DOCK11: variants seen among roughly 807,000 people sequenced by gnomAD.
DOCK11 encodes the protein dedicator of cytokinesis 11, also known as dedicator of cytokinesis protein 11.
Under a neutral mutation model 169.1 loss-of-function variants are expected in DOCK11, and 70 were observed. The ratio of observed to expected loss-of-function variants is 0.41; its 90% CI spans 0.34 to 0.51. DOCK11 has a LOEUF of 0.51. Among genes scored for constraint, DOCK11 ranks in the 20% least tolerant of loss-of-function variants. The probability of loss-of-function intolerance (pLI) is 0.10; values close to 1 mark genes in which losing one functional copy is unlikely to be tolerated. For synonymous variants in DOCK11, 529 were observed against 541.3 expected (o/e 0.98, Z 0.32); for missense variants, 1,166 against 1,538.8 (o/e 0.76, Z 4.05).
intron 1 of DOCK11, among the ~76,000 whole-genome samples, chrX:118,506,055 C>T (rs1035221303): frequency 9.0e-6 from 1 of 111,643 alleles, no homozygotes; most frequent in Non-Finnish European, 1.9e-5. Flanking sequence ...GAGTTCCAGG[C>T]CAGCCTGGGA....
At chrX:118,609,822 T>C (rs776411755) in intron 27 of DOCK11, among the ~76,000 whole-genome samples, 105 of 112,700 alleles carry the variant, frequency 9.3e-4, no homozygotes, top group African/African-American at 2.9e-3. Flanking sequence ...GTTTGAAAGG[T>C]ATAAAAATAT....
At chrX:118,512,236 C>A (rs745916273) in intron 1 of DOCK11, among the ~76,000 whole-genome samples, 2 of 111,948 alleles carry the variant, frequency 1.8e-5, no homozygotes, top group African/African-American at 6.5e-5. Flanking sequence ...AACCTACTTA[C>A]GACAAGGAGG....
At chrX:118,589,462 G>A (rs1451794559) in intron 18 of DOCK11, among the ~76,000 whole-genome samples, 1 of 111,315 alleles carries the variant, frequency 9.0e-6, no homozygotes, top group Non-Finnish European at 1.9e-5. Context: ...TCATTTCTTA[G>A]CTGGCCTGGA....
At position 118,496,130 on chromosome X, in the gene DOCK11, G is replaced by A. The variant is rs747689316; in HGVS notation, c.102+57G>A. 157 of 840,284 alleles carry A rather than the reference G, an allele frequency of 1.9e-4. No homozygotes were observed. The South Asian group carries it at 6.8e-3, about 37-fold the overall frequency. 69.2% of individuals were successfully genotyped at this position (840,284 alleles called of 1,213,427 possible). On this transcript the variant is annotated intron_variant, in intron 1 of 52. Transcript: ENST00000276202. ...GACGCGCTCCAGGCGGGAGCGACGC[G>A]GGAAGGGGCAGGAACGGCGCCAGTG... is the stretch of plus-strand genomic sequence containing the variant.
chrX:118,537,141 A>G (rs1374561746), intron 1 of DOCK11, among the ~76,000 whole-genome samples: 1 of 112,133 alleles, frequency 8.9e-6, no homozygotes, highest in Admixed American at 9.5e-5. Context: ...AATACTGCAA[A>G]AAAGCACTTT....
At chrX:118,586,225 C>A (rs771849542) in intron 16 of DOCK11, among the ~76,000 whole-genome samples, 1 of 111,243 alleles carries the variant, frequency 9.0e-6, no homozygotes, top group South Asian at 3.8e-4. Context: ...TGCAAGCAAA[C>A]GAGTTGTATT....
intron 1 of DOCK11, among the ~76,000 whole-genome samples, chrX:118,514,423 T>A (rs2057669627): frequency 9.0e-6 from 1 of 111,446 alleles, no homozygotes; most frequent in Non-Finnish European, 1.9e-5. Flanking sequence ...CAAAAAGTTA[T>A]TGTCTTGAAA....
intron 1 of DOCK11, among the ~76,000 whole-genome samples, chrX:118,504,160 GCT>G (rs1381472442): frequency 9.1e-6 from 1 of 110,207 alleles, no homozygotes; most frequent in Non-Finnish European, 1.9e-5. Context: ...AGCCCCCAGT[GCT>G]CTCTCTTAAG....
intron 1 of DOCK11, among the ~76,000 whole-genome samples, chrX:118,527,289 G>A (rs956632425): frequency 3.6e-5 from 4 of 112,158 alleles, no homozygotes; most frequent in Admixed American, 9.5e-5. Context: ...GTCATTTTAC[G>A]TGAAAAGATA....
intron 46 of DOCK11, among the ~76,000 whole-genome samples, chrX:118,675,161 C>T (rs2016579433): frequency 1.8e-5 from 2 of 112,370 alleles, no homozygotes; most frequent in Non-Finnish European, 1.9e-5. Flanking sequence ...GCACAACGTG[C>T]TCTCTTTTTC....
At position 118,495,922 on chromosome X, in the gene DOCK11, C is replaced by T. The variant is rs1433542120; in HGVS notation, c.-50C>T. The T allele has an allele frequency of 6.6e-6, 6 of 909,055 alleles. No individual in the cohort carries two copies. In the Admixed American group the frequency reaches 2.2e-4, roughly 33 times the overall value. The allele number at this position is 909,055 out of a possible 1,213,427, so 74.9% of individuals were successfully genotyped here. Reference sequence around the variant, plus strand: ...CCGCGGGCCGGGGCAGTGAGTCCACCCGCCCGCCGAGGTCCGCCCGCCCGC... The same window carrying T: ...CCGCGGGCCGGGGCAGTGAGTCCACTCGCCCGCCGAGGTCCGCCCGCCCGC... On this transcript the variant is annotated 5_prime_UTR_variant, in exon 1 of 53. Coordinates refer to ENST00000276202, the MANE Select transcript of DOCK11 (RefSeq NM_144658.4).
intron 48 of DOCK11, among the ~76,000 whole-genome samples, chrX:118,679,527 C>T (rs1382412557): frequency 9.0e-6 from 1 of 111,235 alleles, no homozygotes; most frequent in Non-Finnish European, 1.9e-5. Flanking sequence ...CACTTGTGCC[C>T]AGGAGTTCCA....
intron 36 of DOCK11, among the ~76,000 whole-genome samples, chrX:118,636,765 T>A (rs941170610): frequency 2.7e-5 from 3 of 111,373 alleles, no homozygotes; most frequent in African/African-American, 6.5e-5. Flanking sequence ...ATTTAGAATT[T>A]GTACTTTCAT....
At chrX:118,592,509 G>A (rs1042309279) in intron 19 of DOCK11, among the ~76,000 whole-genome samples, 3 of 112,222 alleles carry the variant, frequency 2.7e-5, no homozygotes, top group East Asian at 5.6e-4. Flanking sequence ...ATATTTGCAC[G>A]TGTACCTTTG....
At chrX:118,639,677 T>C in intron 38 of DOCK11, 100 bp downstream of exon 38, 2 of 883,852 alleles carry the variant, frequency 2.3e-6, no homozygotes, top group East Asian at 6.4e-5. Context: ...ACCTTGATCA[T>C]TACACATTAT....
rs2015750913 is a variant in DOCK11, at chrX:118,647,738, A to ATATAATAATAATATATAATATAT, written c.4399-1200_4399-1199insATAATATATAATATATTATAATA. ...AATATATAATAATTAATATAATATA[A>ATATAATAATAATATATAATATAT]TATAATATATAATAATATATAATAT... On this transcript the variant is annotated intron_variant, in intron 40 of 52. Transcript: ENST00000276202. Among the ~76,000 whole-genome samples, 3 of 49,429 alleles carry ATATAATAATAATATATAATATAT rather than the reference A, an allele frequency of 6.1e-5. No individual in the cohort carries two copies. In the South Asian group the frequency reaches 3.5e-3, roughly 58 times the overall value. 42.9% of individuals were successfully genotyped at this position (49,429 alleles called of 115,157 possible).
chrX:118,640,370 A>T (rs776795344), intron 38 of DOCK11, among the ~76,000 whole-genome samples: 2 of 112,326 alleles, frequency 1.8e-5, no homozygotes, highest in South Asian at 7.3e-4. Flanking sequence ...CTAGACCCTG[A>T]ACTAATAGAC....
At position 118,651,959 on chromosome X, in the gene DOCK11, C is replaced by T; in HGVS notation, c.4582-5C>T. The stretch of plus-strand genomic sequence containing the variant: ...TTGGAAAATAATATTTACTTCTTCC[C>T]ACAGATAATAATTGCTGTAAGCCAA... On this transcript the variant is annotated splice_region_variant and splice_polypyrimidine_tract_variant and intron_variant, in intron 41 of 52. Transcript: ENST00000276202. The T allele has an allele frequency of 8.6e-7, 1 of 1,157,067 alleles. No homozygotes were observed. The highest frequency in any genetic ancestry group is 1.2e-6 in the Non-Finnish European group (1 of 853,370).
At chrX:118,593,175 GA>G (rs1344981503) in intron 19 of DOCK11, 38 bp from the exon 20 acceptor site, 2 of 1,173,924 alleles carry the variant, frequency 1.7e-6, no homozygotes, top group Non-Finnish European at 2.3e-6. Flanking sequence ...TTCAGCTTGA[GA>G]AAACGAAGTT....
Sources: gnomAD v4.1 joint callset for allele counts (sites outside exome capture counted in the v4.1 genomes callset) on GRCh38, gnomAD v4.1.1 for gene constraint, MANE v1.5 for transcripts, NCBI Gene and HGNC (gene_info 2026-07-23, HGNC 2026-07-21) for gene names.